The following RBL1 variants were observed in gnomAD, a reference collection of about 807,000 sequenced individuals.
RBL1 encodes the protein RB transcriptional corepressor like 1, also known as retinoblastoma-like protein 1.
A neutral mutation model predicts 123.0 loss-of-function variants in RBL1; 82 were observed. The observed-to-expected ratio is 0.67, with a 90% confidence interval of 0.56 to 0.80. The LOEUF is 0.80. RBL1 is among the 30% of genes least tolerant of loss of function. The pLI, the probability that RBL1 is intolerant of heterozygous loss-of-function variation, is 0.00. For synonymous variants in RBL1, 405 were observed against 441.3 expected, an observed-to-expected ratio of 0.92 and a Z score of 1.03; for missense variants, 1,171 against 1,299.6, an observed-to-expected ratio of 0.90 and a Z score of 1.52.
Position 36,998,586 on chromosome 20 carries a change from C to A in RBL1, c.*173G>T. ...CTTTCCAATCCAACTCAAAATACAT[C>A]TCTGTCAACTACATTTTGGATAAAT... On this transcript the variant is annotated 3_prime_UTR_variant, in exon 22 of 22. Transcript: ENST00000373664. The A allele has an allele frequency of 3.4e-6, 2 of 589,502 alleles. No individual in the cohort carries two copies. The highest frequency in any genetic ancestry group is 4.5e-4 in the Middle Eastern group (1 of 2,208). The allele number at this position is 589,502 out of a possible 1,614,324, so 36.5% of individuals were successfully genotyped here.
chr20:37,054,446 T>C (rs2064970528), intron 11 of RBL1, among the ~76,000 whole-genome samples: 1 of 151,824 alleles, frequency 6.6e-6, no homozygotes, highest in South Asian at 2.1e-4. Context: ...ATCGCGCCAC[T>C]GCACTCCAGC....
chr20:37,002,059 A>AGG (rs111506632), intron 21 of RBL1, among the ~76,000 whole-genome samples: 97,220 of 151,774 alleles, frequency 0.64, 33,385 homozygotes, highest in African/African-American at 0.91. Context: ...TTTTTGAGAC[A>AGG]GTCTCTCTCT....
chr20:37,072,408 C>A (rs1423652218), intron 2 of RBL1, among the ~76,000 whole-genome samples: 1 of 150,358 alleles, frequency 6.7e-6, no homozygotes, highest in African/African-American at 2.4e-5. Context: ...GTGGAAGTTG[C>A]GGGGAGGTGG....
At chr20:37,091,175 G>A (rs1487945378) in intron 1 of RBL1, among the ~76,000 whole-genome samples, 1 of 152,046 alleles carries the variant, frequency 6.6e-6, no homozygotes, top group Non-Finnish European at 1.5e-5. Context: ...TGGCCAATGT[G>A]GCGAAACCCC....
At chr20:37,006,606 C>T (rs1223541369) in intron 20 of RBL1, among the ~76,000 whole-genome samples, 7 of 150,748 alleles carry the variant, frequency 4.6e-5, no homozygotes, top group South Asian at 4.2e-4. Context: ...TCTGGGAGGC[C>T]GAGGTGGGCG....
chr20:37,015,436 GTTT>G (rs918977257), intron 19 of RBL1, among the ~76,000 whole-genome samples: 3 of 146,952 alleles, frequency 2.0e-5, no homozygotes, highest in African/African-American at 7.4e-5. Context: ...TTTTGTTGTT[GTTT>G]TTTTTTTTTG....
At chr20:37,083,628 T>TA (rs2065491236) in intron 2 of RBL1, among the ~76,000 whole-genome samples, 9 of 14,216 alleles carry the variant, frequency 6.3e-4, no homozygotes, top group Non-Finnish European at 8.7e-4. Context: ...CTACTAAAAA[T>TA]ACAAAAAAAA....
chr20:37,018,430 C>A, intron 18 of RBL1, 61 bp from the exon 19 acceptor site: 1 of 1,525,308 alleles, frequency 6.6e-7, no homozygotes, highest in Non-Finnish European at 8.8e-7. Context: ...TAAACAAAAT[C>A]AAAGTGAGAA....
chr20:37,076,208 C>CA (rs1379185643), intron 2 of RBL1, among the ~76,000 whole-genome samples: 1 of 152,128 alleles, frequency 6.6e-6, no homozygotes, highest in East Asian at 1.9e-4. Flanking sequence ...TTGCAAGACT[C>CA]AAGAGATGCC....
chr20:37,015,363 A>G (rs760651272), intron 19 of RBL1, among the ~76,000 whole-genome samples: 3 of 152,148 alleles, frequency 2.0e-5, no homozygotes, highest in Non-Finnish European at 2.9e-5. Context: ...CTGGTTTTGT[A>G]GGAACAGAAA....
At chr20:37,049,312 CG>C in intron 11 of RBL1, 1 of 644,102 alleles carries the variant, frequency 1.6e-6, no homozygotes, top group Non-Finnish European at 2.8e-6. Context: ...GTTGAACCCT[CG>C]GATACGACAG....
intron 2 of RBL1, among the ~76,000 whole-genome samples, chr20:37,080,298 A>G (rs900113747): frequency 1.4e-4 from 21 of 152,024 alleles, no homozygotes; most frequent in African/African-American, 5.1e-4. Flanking sequence ...CTGGGATTAC[A>G]GGCAAGCACC....
rs2064020187 is a variant in RBL1, at chr20:37,003,592, T to C, written c.3036+110A>G. 5.1e-6 allele frequency: 7 copies of C among 1,367,456 alleles called. No individual in the cohort carries two copies. The South Asian group carries it at 1.4e-4, about 28-fold the overall frequency. The allele number at this position is 1,367,456 out of a possible 1,614,324, so 84.7% of individuals were successfully genotyped here. Reference sequence around the variant, plus strand: ...GACATGCCATAGTTAACATTTCATATTTTATTAGTATAGTAGTAACTTGGC... The same window carrying C: ...GACATGCCATAGTTAACATTTCATACTTTATTAGTATAGTAGTAACTTGGC... On this transcript the variant is annotated intron_variant, in intron 21 of 21. Transcript: ENST00000373664.
At chr20:37,022,914 CAT>C in intron 16 of RBL1, 88 bp from the exon 17 acceptor site, 1 of 1,050,240 alleles carries the variant, frequency 9.5e-7, no homozygotes, top group Non-Finnish European at 1.4e-6. Flanking sequence ...GATTAAAAAA[CAT>C]AGGCTGTTGA....
At chr20:37,067,356 GA>G in intron 3 of RBL1, 59 bp from the exon 4 acceptor site, 2 of 1,244,918 alleles carry the variant, frequency 1.6e-6, no homozygotes, top group Non-Finnish European at 2.3e-6. Context: ...CATGTAAACT[GA>G]AATAGTAAAT....
At chr20:37,041,403 C>T (rs2064724180) in intron 13 of RBL1, among the ~76,000 whole-genome samples, 1 of 152,146 alleles carries the variant, frequency 6.6e-6, no homozygotes, top group African/African-American at 2.4e-5. Context: ...CTCACTGCAA[C>T]CTCCGCCTCC....
chr20:37,067,782 A>AAAAAAAAAAC (rs1568875735), intron 3 of RBL1, among the ~76,000 whole-genome samples: 13 of 143,652 alleles, frequency 9.0e-5, no homozygotes, highest in African/African-American at 2.1e-4. Context: ...AAAAAAAAAA[A>AAAAAAAAAAC]AAAAAAAAAC....
intron 2 of RBL1, among the ~76,000 whole-genome samples, chr20:37,087,884 A>G (rs184624518): frequency 6.6e-6 from 1 of 152,336 alleles, no homozygotes; most frequent in Non-Finnish European, 1.5e-5. Flanking sequence ...GCTGTACTGT[A>G]GTTATTTAAA....
intron 14 of RBL1, 88 bp from the exon 15 acceptor site, chr20:37,035,596 T>C: frequency 8.5e-7 from 1 of 1,174,762 alleles, no homozygotes; most frequent in Non-Finnish European, 1.2e-6. Flanking sequence ...AGTGAGTTAC[T>C]TATGCTGGGC....
Sources: allele counts gnomAD v4.1 joint callset (sites outside exome capture counted in the v4.1 genomes callset), GRCh38; gene constraint gnomAD v4.1.1; transcripts MANE v1.5; gene names NCBI Gene and HGNC (gene_info 2026-07-23, HGNC 2026-07-21).